The following TVP23C variants were observed in gnomAD, a reference collection of about 807,000 sequenced individuals.
TVP23C encodes Golgi apparatus membrane protein TVP23 homolog C.
In TVP23C, 19 loss-of-function variants were observed where a neutral mutation model predicts 28.7. The observed-to-expected ratio is 0.66, with a 90% CI of 0.46 to 0.97. The LOEUF (loss-of-function observed/expected upper bound fraction) is 0.97, where lower values mean the gene tolerates loss of function less well. Among genes scored for constraint, TVP23C ranks in the 50% least tolerant of loss-of-function variants. The pLI, the probability that TVP23C is intolerant of heterozygous loss-of-function variation, is 0.00. For missense variants in TVP23C, 186 were observed against 241.3 expected, an observed-to-expected ratio of 0.77 and a Z score of 1.52; for synonymous variants, 68 against 81.7, an observed-to-expected ratio of 0.83 and a Z score of 0.90.
At chr17:15,519,503 C>T (rs1182585568) in intron 5 of TVP23C, among the ~76,000 whole-genome samples, 1 of 152,022 alleles carries the variant, frequency 6.6e-6, no homozygotes, top group Admixed American at 6.6e-5. Context: ...CACACACACA[C>T]ACACAAATTG....
Position 15,540,353 on chromosome 17 carries a change from C to G in TVP23C, c.*59G>C, listed in dbSNP as rs1053345192. 1 of 1,464,484 alleles carries G rather than the reference C, an allele frequency of 6.8e-7. No homozygotes were observed. Among genetic ancestry groups the G allele is most frequent in the African/African-American group, 1.5e-5 (1 of 68,800 alleles). 90.7% of individuals were successfully genotyped at this position (1,464,484 alleles called of 1,614,324 possible). A position where few individuals can be genotyped will look rare whatever the true frequency, so the allele number is the denominator to read the frequency against. On this transcript the variant is annotated 3_prime_UTR_variant, in exon 6 of 6. Transcript: ENST00000518321. ...ACTATATGCCTTTAAAACTTCTGTT[C>G]AGGAGCGTTTCATAAAAATTAAACT...
At chr17:15,541,435 A>G (rs1983407091) in intron 5 of TVP23C, among the ~76,000 whole-genome samples, 1 of 152,056 alleles carries the variant, frequency 6.6e-6, no homozygotes, top group East Asian at 1.9e-4. Flanking sequence ...CTGTTTTTCA[A>G]TAAAAACTTA....
intron 1 of TVP23C, among the ~76,000 whole-genome samples, chr17:15,557,290 GTT>G (rs761887271): frequency 8.1e-5 from 10 of 123,890 alleles, no homozygotes; most frequent in Admixed American, 1.8e-4. Context: ...AGAAGACAAG[GTT>G]TTTTTTTTTT....
intron 5 of TVP23C, among the ~76,000 whole-genome samples, chr17:15,516,068 G>A (rs2150832213): frequency 6.6e-6 from 1 of 152,218 alleles, no homozygotes; most frequent in East Asian, 1.9e-4. Context: ...AGCTCCCTGA[G>A]GCCTCCCCAG....
At chr17:15,561,255 G>A (rs1237233356) in intron 1 of TVP23C, among the ~76,000 whole-genome samples, 5 of 152,182 alleles carry the variant, frequency 3.3e-5, no homozygotes, top group African/African-American at 7.2e-5. Context: ...TAGAATGACC[G>A]CCTGGCAGCA....
chr17:15,531,688 A>C (rs1038984281), intron 5 of TVP23C, among the ~76,000 whole-genome samples: 1 of 152,062 alleles, frequency 6.6e-6, no homozygotes, highest in Non-Finnish European at 1.5e-5. Context: ...GGTTTACTTT[A>C]GTTTTTAAAG....
In TVP23C at chr17:15,553,759, A is replaced by C; in HGVS notation, c.166T>G (p.Leu56Val). The C allele has an allele frequency of 5.6e-6, 9 of 1,614,014 alleles. No individual in the cohort carries two copies. The highest frequency in any genetic ancestry group is 7.6e-6 in the Non-Finnish European group (9 of 1,179,890). ...CAGGTAATAAAGCTGCTGCTGAGCA[A>C]CTCACAGAGAAGACAGACGATGATT... ...SAIIVCLLCE[L>V]LSSSFITCMV... The change falls in exon 3 of 6, where the codon TTG becomes GTG. Residue 56 changes from leucine to valine, a missense_variant. Physicochemically the swap from Leu to Val is conservative, Grantham distance 32. Coordinates refer to ENST00000518321, the MANE Select transcript of TVP23C (RefSeq NM_001135036.2).
chr17:15,514,632 T>C lies in TVP23C; in HGVS notation c.463-11400A>G, dbSNP rs116771160. On this transcript the variant is annotated intron_variant, in intron 5 of 5. Transcript: ENST00000225576. ...GACATCAGTGTGGCAGAGTATAATG[T>C]AGGCAATTTATGGCAAAACTGGTAA... Among the ~76,000 whole-genome samples the C allele has an allele frequency of 2.2e-3, 338 of 152,304 alleles. 1 individual carries two copies. Among genetic ancestry groups the C allele is most frequent in the African/African-American group, 7.9e-3 (330 of 41,552 alleles).
At chr17:15,513,727 A>T (rs1053124150) in intron 5 of TVP23C, among the ~76,000 whole-genome samples, 3 of 152,206 alleles carry the variant, frequency 2.0e-5, no homozygotes, top group Non-Finnish European at 4.4e-5. Flanking sequence ...CCAGCAAGAC[A>T]TGAGCAGCAG....
intron 3 of TVP23C, among the ~76,000 whole-genome samples, chr17:15,552,281 A>G (rs1983926853): frequency 6.6e-6 from 1 of 152,376 alleles, no homozygotes; most frequent in South Asian, 2.1e-4. Flanking sequence ...AGAAGACTGG[A>G]CAAAAGAAAA....
intron 5 of TVP23C, 28 bp from the exon 6 acceptor site, chr17:15,540,589 G>C: frequency 6.2e-7 from 1 of 1,610,116 alleles, no homozygotes; most frequent in Non-Finnish European, 8.5e-7. Context: ...AATAATCAAC[G>C]GTTACTGGCC....
downstream of TVP23C, among the ~76,000 whole-genome samples, chr17:15,532,616 G>A (rs539312613): frequency 1.3e-4 from 20 of 152,288 alleles, no homozygotes; most frequent in South Asian, 2.9e-3. Context: ...TGTTGCAATC[G>A]TTTGGTTAAT....
rs1983257347 is a variant in TVP23C at position 15,538,494 on chromosome 17, G to A, written c.*1918C>T. The A allele has an allele frequency of 4.0e-6, 3 of 748,044 alleles. No homozygotes were observed. Among genetic ancestry groups the A allele is most frequent in the Non-Finnish European group, 4.9e-6 (3 of 613,400 alleles). 46.3% of individuals were successfully genotyped at this position (748,044 alleles called of 1,614,324 possible). On this transcript the variant is annotated 3_prime_UTR_variant, in exon 6 of 6. Transcript: ENST00000518321. ...AATCCCAGCTACTCGGGAGGCTGAG[G>A]CAGAAGAATAGTATGAACCCGGGAG...
At chr17:15,502,705 TTCTTTCTCTCTCTCCTCTCTCTC>T (rs1981502614) in exon 6 of TVP23C, 4 of 1,187,186 alleles carry the variant, frequency 3.4e-6, no homozygotes, top group Admixed American at 7.0e-5. Context: ...TGTTCGTTCG[TTCTTTCTCTCTCTCCTCTCTCTC>T]TCTTTCTCTC....
downstream of TVP23C, among the ~76,000 whole-genome samples, chr17:15,536,426 G>A (rs539536389): frequency 5.3e-5 from 8 of 152,254 alleles, no homozygotes; most frequent in East Asian, 1.4e-3. Flanking sequence ...CCCAAACTTG[G>A]TGGTGTGGCC....
At chr17:15,527,552 A>G (rs932099470) in intron 5 of TVP23C, among the ~76,000 whole-genome samples, 2 of 152,186 alleles carry the variant, frequency 1.3e-5, no homozygotes, top group African/African-American at 2.4e-5. Flanking sequence ...TCGAGTGCTT[A>G]CTGTGGGCTT....
intron 5 of TVP23C, among the ~76,000 whole-genome samples, chr17:15,525,430 A>T (rs1354725122): frequency 6.6e-6 from 1 of 152,236 alleles, no homozygotes; most frequent in African/African-American, 2.4e-5. Flanking sequence ...AACATCTACA[A>T]TCTGTTAACA....
At chr17:15,518,201 G>A (rs563600657) in intron 5 of TVP23C, among the ~76,000 whole-genome samples, 5 of 148,936 alleles carry the variant, frequency 3.4e-5, no homozygotes, top group Admixed American at 6.7e-5. Flanking sequence ...AATGTTCACA[G>A]CCTGTCACAG....
intron 5 of TVP23C, among the ~76,000 whole-genome samples, chr17:15,515,496 C>T (rs911633620): frequency 1.3e-5 from 2 of 152,114 alleles, no homozygotes; most frequent in Admixed American, 6.5e-5. Flanking sequence ...CAGTTGGGAG[C>T]CTGAGACGTG....
Sources: gnomAD v4.1 joint callset for allele counts (sites outside exome capture counted in the v4.1 genomes callset) on GRCh38, gnomAD v4.1.1 for gene constraint, MANE v1.5 for transcripts, NCBI Gene and HGNC (gene_info 2026-07-23, HGNC 2026-07-21) for gene names.